The following KCTD1 variants were observed in gnomAD, a reference collection of about 807,000 sequenced individuals.
KCTD1 encodes the protein BTB/POZ domain-containing protein KCTD1.
KCTD1 carries 24 observed loss-of-function variants against 66.0 expected under a neutral mutation model. The observed-to-expected ratio is 0.36, with a 90% confidence interval of 0.26 to 0.51. The LOEUF (loss-of-function observed/expected upper bound fraction) is 0.51. KCTD1 is among the 20% of genes least tolerant of loss of function. KCTD1 has a pLI of 0.95. For missense variants in KCTD1, 943 were observed against 1,205.2 expected, an observed-to-expected ratio of 0.78 and a Z score of 3.22; for synonymous variants, 511 against 517.2, an observed-to-expected ratio of 0.99 and a Z score of 0.16.
In KCTD1 at chr18:26,507,896, C is replaced by T. The variant is rs146417234; in HGVS notation, c.1810-6646G>A. 3.4e-3 allele frequency among the ~76,000 whole-genome samples: 515 copies of T among 152,200 alleles called. 8 individuals are homozygous for T. Among genetic ancestry groups the T allele is most frequent in the African/African-American group, 0.012 (498 of 41,522 alleles). ...GAAGAGGGAGTGACCAGCAAAGCTGCACATCTTGATCTGAGTGGTGACACA... is the reference window on the plus strand; with the variant it reads ...GAAGAGGGAGTGACCAGCAAAGCTGTACATCTTGATCTGAGTGGTGACACA... On this transcript the variant is annotated intron_variant, in intron 1 of 4. Transcript: ENST00000580059.
chr18:26,596,334 G>A (rs1986765263), intron 1 of KCTD1, among the ~76,000 whole-genome samples: 1 of 152,264 alleles, frequency 6.6e-6, no homozygotes, highest in South Asian at 2.1e-4. Flanking sequence ...AGTAAAAAAA[G>A]GTGATCATCT....
chr18:26,561,786 C>T (rs1242460817), intron 1 of KCTD1, among the ~76,000 whole-genome samples: 1 of 152,180 alleles, frequency 6.6e-6, no homozygotes, highest in Non-Finnish European at 1.5e-5. Flanking sequence ...GCCAAACAGT[C>T]TCTCTTTCTC....
intron 3 of KCTD1, among the ~76,000 whole-genome samples, chr18:26,469,132 A>T (rs1370812918): frequency 6.6e-6 from 1 of 150,890 alleles, no homozygotes; most frequent in Non-Finnish European, 1.5e-5. Context: ...AAATGTTTTA[A>T]GGCCCTGGGA....
intron 1 of KCTD1, among the ~76,000 whole-genome samples, chr18:26,533,696 A>C (rs762275385): frequency 6.6e-6 from 1 of 151,960 alleles, no homozygotes; most frequent in Non-Finnish European, 1.5e-5. Context: ...ATGGGGTTTC[A>C]CCATATTGCC....
chr18:26,618,514 T>A (rs1987305640), intron 1 of KCTD1, among the ~76,000 whole-genome samples: 1 of 152,302 alleles, frequency 6.6e-6, no homozygotes, highest in African/African-American at 2.4e-5. Flanking sequence ...ACGATGCCTC[T>A]CTCTTCATCT....
chr18:26,526,286 T>C (rs1984155423), intron 1 of KCTD1, among the ~76,000 whole-genome samples: 1 of 152,160 alleles, frequency 6.6e-6, no homozygotes, highest in Non-Finnish European at 1.5e-5. Context: ...ATGCTGCCCA[T>C]GCACAATGAA....
chr18:26,513,248 G>C (rs950047053), intron 1 of KCTD1, among the ~76,000 whole-genome samples: 106 of 151,556 alleles, frequency 7.0e-4, no homozygotes, highest in South Asian at 1.7e-3. Context: ...CAACCACGCC[G>C]GGCTAATTTT....
At chr18:26,625,645 C>T (rs369057153) in intron 1 of KCTD1, among the ~76,000 whole-genome samples, 11 of 152,320 alleles carry the variant, frequency 7.2e-5, no homozygotes, top group African/African-American at 2.6e-4. Context: ...TTCTTTATAG[C>T]AGTGTAAGAA....
At chr18:26,620,833 C>T (rs1181787216) in intron 1 of KCTD1, among the ~76,000 whole-genome samples, 106 of 118,330 alleles carry the variant, frequency 9.0e-4, no homozygotes, top group African/African-American at 3.3e-3. Flanking sequence ...ACTTGAAAAG[C>T]TTTTTTTTTT....
At chr18:26,496,105 CT>C in intron 2 of KCTD1, among the ~76,000 whole-genome samples, 1 of 152,114 alleles carries the variant, frequency 6.6e-6, no homozygotes, top group South Asian at 2.1e-4. Flanking sequence ...TGAAAAATTA[CT>C]TAGTTACCTA....
At chr18:26,484,343 T>C (rs1403528094) in intron 2 of KCTD1, among the ~76,000 whole-genome samples, 3 of 152,164 alleles carry the variant, frequency 2.0e-5, no homozygotes, top group East Asian at 3.9e-4. Context: ...TAGTACCTGT[T>C]CCCTGAGGTG....
intron 1 of KCTD1, among the ~76,000 whole-genome samples, chr18:26,508,188 T>C (rs1983145530): frequency 6.6e-6 from 1 of 152,242 alleles, no homozygotes; most frequent in African/African-American, 2.4e-5. Context: ...TCTTTTCCCA[T>C]ATCTGTCCTG....
rs1342848933 is a variant in KCTD1, at chr18:26,547,465, G to T, written c.1072C>A (p.Arg358Ser). 2.6e-6 allele frequency: 4 copies of T among 1,551,526 alleles called. No homozygotes were observed. The highest frequency in any genetic ancestry group is 3.5e-6 in the Non-Finnish European group (4 of 1,146,958). ...CGCTTCTTGCTCCACGACGACGAGC[G>T]CGACTTGTGGTAGGGCCCGAGGGAC... is the stretch of plus-strand genomic sequence containing the variant. ...FKSLGPYHKS[R>S]SSSWSKKRAE... Residue 358 changes from arginine (R) to serine (S), a missense_variant, in exon 1 of 5, where the codon CGC becomes AGC. By Grantham distance (110) the Arg-to-Ser change is moderately radical. Around this residue, in one of 10 missense-constraint regions of KCTD1, gnomAD observed 66 missense variants for 61.6 expected, o/e 1.07. Transcript: ENST00000580059.
intron 1 of KCTD1, among the ~76,000 whole-genome samples, chr18:26,570,184 T>TAA (rs10648043): frequency 0.15 from 18,650 of 120,760 alleles, 1,565 homozygotes; most frequent in South Asian, 0.21. Context: ...AGACTCCATC[T>TAA]AAAAAAAATA....
At chr18:26,555,500 C>G (rs1278738038) in intron 1 of KCTD1, among the ~76,000 whole-genome samples, 1 of 152,198 alleles carries the variant, frequency 6.6e-6, no homozygotes, top group East Asian at 1.9e-4. Context: ...CTTCAAAAGC[C>G]ATGAAAATGT....
At chr18:26,630,672 T>A (rs1235112356), upstream of KCTD1, among the ~76,000 whole-genome samples, 1 of 152,158 alleles carries the variant, frequency 6.6e-6, no homozygotes, top group African/African-American at 2.4e-5. Flanking sequence ...GACTGGAAAG[T>A]ATGTATAAAG....
intron 1 of KCTD1, among the ~76,000 whole-genome samples, chr18:26,638,935 C>G (rs1447491516): frequency 6.6e-6 from 1 of 152,214 alleles, no homozygotes; most frequent in Non-Finnish European, 1.5e-5. Flanking sequence ...GCAACAGCCT[C>G]CGTTCCTTCT....
chr18:26,602,588 G>T (rs548817035), intron 1 of KCTD1, among the ~76,000 whole-genome samples: 1 of 152,322 alleles, frequency 6.6e-6, no homozygotes, highest in African/African-American at 2.4e-5. Flanking sequence ...AAGTCATCCA[G>T]GTCCCTCTTC....
intron 3 of KCTD1, among the ~76,000 whole-genome samples, chr18:26,461,052 A>G (rs1034927004): frequency 7.2e-5 from 11 of 152,238 alleles, no homozygotes; most frequent in Non-Finnish European, 1.0e-4. Flanking sequence ...ATGACAGCCA[A>G]TGTTGCAAAC....
Sources: gnomAD v4.1 joint callset for allele counts (sites outside exome capture counted in the v4.1 genomes callset) on GRCh38, gnomAD v4.1.1 for gene constraint, gnomAD v4.1.1 regional missense constraint, MANE v1.5 for transcripts, NCBI Gene and HGNC (gene_info 2026-07-23, HGNC 2026-07-21) for gene names.